SYK: variants seen among roughly 807,000 people sequenced by gnomAD.
SYK encodes spleen associated tyrosine kinase.
A neutral mutation model predicts 77.8 loss-of-function variants in SYK; 16 were observed. The ratio of observed to expected loss-of-function variants is 0.21; its 90% CI spans 0.14 to 0.31. The LOEUF is 0.31. SYK is among the 10% of genes least tolerant of loss of function. The probability of loss-of-function intolerance (pLI) is 1.00; values close to 1 mark genes in which losing one functional copy is unlikely to be tolerated. For synonymous variants in SYK, 312 were observed against 308.7 expected (o/e 1.01, Z -0.11); for missense variants, 529 against 814.4 (o/e 0.65, Z 4.26).
intron 1 of SYK, among the ~76,000 whole-genome samples, chr9:90,819,869 C>T (rs1825443722): frequency 2.0e-5 from 3 of 152,176 alleles, no homozygotes; most frequent in Non-Finnish European, 4.4e-5. Context: ...AAGGCAAGTC[C>T]CTTCCATCTC....
At chr9:90,809,649 C>G (rs1323586240) in intron 1 of SYK, among the ~76,000 whole-genome samples, 1 of 152,232 alleles carries the variant, frequency 6.6e-6, no homozygotes, top group Non-Finnish European at 1.5e-5. Context: ...CAATGAGAGA[C>G]TCAAGTGAGA....
rs1452875693 is a variant in SYK, at chr9:90,895,462, C to A, written c.1836-66C>A. The stretch of plus-strand genomic sequence containing the variant: ...CCACTGGTACTCAGCCTGCAGAGGC[C>A]CTGCTTGTGATCAGCAATTTTTCAC... On this transcript the variant is annotated intron_variant, in intron 13 of 13. Transcript: ENST00000375754. This position sits in a 1 kb window ranked among gnomAD's most constrained non-coding sequence, Gnocchi z 4.4. The A allele has an allele frequency of 1.3e-6, 2 of 1,557,440 alleles. No individual in the cohort carries two copies. The highest frequency in any genetic ancestry group is 4.5e-5 in the East Asian group (2 of 44,590).
intron 1 of SYK, among the ~76,000 whole-genome samples, chr9:90,833,525 C>T (rs290213): frequency 0.86 from 131,123 of 152,218 alleles, 56,706 homozygotes; most frequent in East Asian, 1. Flanking sequence ...GAAATTTTCC[C>T]CTGCCAGAAG....
rs111758126 is a variant in SYK at position 90,880,091 on chromosome 9, C to T, written c.1581+1138C>T. Among the ~76,000 whole-genome samples the T allele has an allele frequency of 1.7e-4, 26 of 152,340 alleles. 2 individuals are homozygous for T. The highest frequency in any genetic ancestry group is 6.3e-4 in the African/African-American group (26 of 41,578). ...AGTCCACATGCTCAGAAATAGATGG[C>T]AGACCTTCAAAATCTACCTAGTGGG... On this transcript the variant is annotated intron_variant, in intron 11 of 13. Transcript: ENST00000375754.
chr9:90,835,213 G>A (rs1826025693), intron 1 of SYK, among the ~76,000 whole-genome samples: 1 of 152,190 alleles, frequency 6.6e-6, no homozygotes, highest in Non-Finnish European at 1.5e-5. Flanking sequence ...ACAGGGTAAA[G>A]GCAACCATCT....
intron 11 of SYK, among the ~76,000 whole-genome samples, chr9:90,883,528 A>G (rs1828238647): frequency 6.6e-6 from 1 of 152,150 alleles, no homozygotes; most frequent in Admixed American, 6.5e-5. Context: ...GCACCTATTG[A>G]GAGTGGCCCT....
At chr9:90,828,050 T>C (rs1825718394) in intron 1 of SYK, among the ~76,000 whole-genome samples, 2 of 152,184 alleles carry the variant, frequency 1.3e-5, no homozygotes, top group African/African-American at 4.8e-5. Flanking sequence ...TCCTTTTTGC[T>C]TAAGTCAGGT....
chr9:90,824,319 A>C (rs1395563017), intron 1 of SYK, among the ~76,000 whole-genome samples: 1 of 152,192 alleles, frequency 6.6e-6, no homozygotes, highest in Non-Finnish European at 1.5e-5. Context: ...AGAAAGAAAG[A>C]ATACCAGTTT....
chr9:90,883,040 G>T (rs1465630771), intron 11 of SYK, among the ~76,000 whole-genome samples: 1 of 152,094 alleles, frequency 6.6e-6, no homozygotes, highest in East Asian at 1.9e-4. Context: ...AGTCCCACAG[G>T]CTTCCAAGCT....
chr9:90,828,146 C>G (rs931326598), intron 1 of SYK, among the ~76,000 whole-genome samples: 14 of 150,122 alleles, frequency 9.3e-5, no homozygotes, highest in South Asian at 6.3e-4. Flanking sequence ...AGCCTGAAAG[C>G]GGGAAACTTC....
chr9:90,804,436 A>G (rs1024161684), intron 1 of SYK, among the ~76,000 whole-genome samples: 21 of 152,216 alleles, frequency 1.4e-4, no homozygotes, highest in African/African-American at 4.8e-4. Context: ...GGTTTGTGTC[A>G]GTTATCTAAG....
At chr9:90,848,365 C>G (rs570644811) in intron 3 of SYK, among the ~76,000 whole-genome samples, 2 of 152,246 alleles carry the variant, frequency 1.3e-5, no homozygotes, top group Admixed American at 6.5e-5. Flanking sequence ...TCCTGATTCA[C>G]TGTGGGAGTC....
intron 1 of SYK, among the ~76,000 whole-genome samples, chr9:90,825,679 G>A (rs905695908): frequency 5.3e-5 from 8 of 152,172 alleles, no homozygotes; most frequent in African/African-American, 1.9e-4. Context: ...GCAGAGAAAA[G>A]GGCCACAGCT....
chr9:90,803,830 C>T (rs1473606151), intron 1 of SYK, among the ~76,000 whole-genome samples: 1 of 151,876 alleles, frequency 6.6e-6, no homozygotes, highest in East Asian at 2.0e-4. Context: ...ACATGTTGAC[C>T]CTGCTGGTTA....
intron 3 of SYK, among the ~76,000 whole-genome samples, chr9:90,847,077 A>G (rs1267337406): frequency 6.6e-6 from 1 of 152,178 alleles, no homozygotes; most frequent in Non-Finnish European, 1.5e-5. Context: ...CAGCAGTTGC[A>G]TCCTTCATGG....
rs556625543 is a variant in SYK, at chr9:90,816,753, A to T, written c.-42+14860A>T. On this transcript the variant is annotated intron_variant, in intron 1 of 13. Transcript: ENST00000375754. ...TTTTGTTCTCTGTTTCTATGAGTTC[A>T]ATCATTTTAGATTCCACATATGAGT... Among the ~76,000 whole-genome samples the T allele has an allele frequency of 2.5e-4, 38 of 152,336 alleles. 3 individuals carry two copies. The South Asian group carries it at 7.7e-3, about 31-fold the overall frequency.
chr9:90,845,066 G>C (rs1564089821), intron 2 of SYK, among the ~76,000 whole-genome samples: 1 of 152,138 alleles, frequency 6.6e-6, no homozygotes, highest in African/African-American at 2.4e-5. Context: ...CTCCCAAGTA[G>C]CTGGGATTAC....
chr9:90,863,357 A>G (rs1313111726), intron 4 of SYK, among the ~76,000 whole-genome samples: 1 of 152,184 alleles, frequency 6.6e-6, no homozygotes, highest in Admixed American at 6.5e-5. Flanking sequence ...ACCCAAGCCC[A>G]GCTGGGGCCA....
chr9:90,893,049 A>G (rs148067163), intron 13 of SYK, among the ~76,000 whole-genome samples: 401 of 152,336 alleles, frequency 2.6e-3, no homozygotes, highest in African/African-American at 9.3e-3. Context: ...AGCTCCTGCT[A>G]TGCAGGCTGC....
Sources: allele counts gnomAD v4.1 joint callset (sites outside exome capture counted in the v4.1 genomes callset), GRCh38; gene constraint gnomAD v4.1.1; non-coding constraint Gnocchi (gnomAD v3.1); transcripts MANE v1.5; gene names NCBI Gene and HGNC (gene_info 2026-07-23, HGNC 2026-07-21).